The following IGLL5 variants were observed in gnomAD, a reference collection of about 807,000 sequenced individuals.
The protein encoded by IGLL5 is immunoglobulin lambda-like polypeptide 5.
In IGLL5, 30 loss-of-function variants were observed where a neutral mutation model predicts 20.9. That is an observed-to-expected ratio of 1.44 (90% confidence interval 1.07 to 1.95). IGLL5 has a LOEUF of 1.95. IGLL5 is among the 30% of genes most tolerant of loss of function. The pLI is 0.00. For missense variants in IGLL5, 475 were observed against 270.7 expected (o/e 1.75, Z -5.30); for synonymous variants, 203 against 117.3 (o/e 1.73, Z -4.72).
At chr22:22,889,072 T>C (rs549387114) in intron 1 of IGLL5, among the ~76,000 whole-genome samples, 12 of 151,300 alleles carry the variant, frequency 7.9e-5, no homozygotes, top group Admixed American at 3.3e-4. Context: ...TGGATGGATT[T>C]AGGTAGATTG....
intron 2 of IGLL5, among the ~76,000 whole-genome samples, chr22:22,894,860 C>G (rs1352047806): frequency 2.0e-5 from 3 of 151,382 alleles, no homozygotes; most frequent in South Asian, 2.1e-4. Context: ...TGGGGCAGAG[C>G]CCGGTGCCTG....
At chr22:22,888,818 C>T (rs550739734) in intron 1 of IGLL5, among the ~76,000 whole-genome samples, 1 of 151,424 alleles carries the variant, frequency 6.6e-6, no homozygotes, top group African/African-American at 2.4e-5. Flanking sequence ...GCTGTCCAGT[C>T]ATTGGAACAG....
In IGLL5 at chr22:22,888,980, G is replaced by A. The variant is rs533529274; in HGVS notation, c.206+721G>A. 5.3e-5 allele frequency among the ~76,000 whole-genome samples: 8 copies of A among 151,392 alleles called. No individual in the cohort carries two copies. In the East Asian group the frequency reaches 8.1e-4, roughly 15 times the overall value. Reference sequence around the variant, plus strand: ...AGAGGAGAGGAGAGCACAGGATGAGGCTGGGAGCTCCTGGGTGACTGGGAA... The same window carrying A: ...AGAGGAGAGGAGAGCACAGGATGAGACTGGGAGCTCCTGGGTGACTGGGAA... On this transcript the variant is annotated intron_variant, in intron 1 of 2. Transcript: ENST00000526893.
intron 1 of IGLL5, among the ~76,000 whole-genome samples, chr22:22,890,312 AACAC>A (rs372346670): frequency 0.016 from 2,035 of 123,682 alleles, 39 homozygotes; most frequent in African/African-American, 0.052. Context: ...TGTCCCTGAA[AACAC>A]ACACACACAC....
In IGLL5 at chr22:22,895,860, C is replaced by A; in HGVS notation, c.*166C>A. 1 of 738,372 alleles carries A rather than the reference C, an allele frequency of 1.4e-6. No homozygotes were observed. Among genetic ancestry groups the A allele is most frequent in the Non-Finnish European group, 2.3e-6 (1 of 436,254 alleles). The allele number at this position is 738,372 out of a possible 1,614,324, so 45.7% of individuals were successfully genotyped here. On this transcript the variant is annotated 3_prime_UTR_variant, in exon 3 of 3. Coordinates refer to ENST00000526893, the MANE Select transcript of IGLL5 (RefSeq NM_001178126.2). ...TCTTGTTTTATCTCATTTTTTTTCT[C>A]ACATAAATTGCTAGCCTCCCCGGGG...
In IGLL5 at chr22:22,888,441, T is replaced by C. The variant is rs535364999; in HGVS notation, c.206+182T>C. 5.9e-5 allele frequency among the ~76,000 whole-genome samples: 9 copies of C among 151,470 alleles called. 1 individual carries two copies. In the East Asian group the frequency reaches 6.1e-4, roughly 10 times the overall value. ...ATCACAGATTTGTTTGAATTACTGTTTTTAATATCATATTACGATATTATT... is the reference window on the plus strand; with the variant it reads ...ATCACAGATTTGTTTGAATTACTGTCTTTAATATCATATTACGATATTATT... On this transcript the variant is annotated intron_variant, in intron 1 of 2. Transcript: ENST00000526893.
chr22:22,894,171 G>C (rs2067992263), intron 2 of IGLL5, among the ~76,000 whole-genome samples: 2 of 151,526 alleles, frequency 1.3e-5, no homozygotes, highest in African/African-American at 4.8e-5. Context: ...TGGGGTCAAG[G>C]ACAGAGGCTG....
intron 1 of IGLL5, among the ~76,000 whole-genome samples, chr22:22,890,502 A>T (rs2146007929): frequency 6.9e-6 from 1 of 144,434 alleles, no homozygotes; most frequent in South Asian, 2.2e-4. Flanking sequence ...GATGAGCCAG[A>T]ATTTATTTCC....
intron 1 of IGLL5, among the ~76,000 whole-genome samples, chr22:22,888,782 A>C (rs764354391): frequency 2.0e-5 from 3 of 151,410 alleles, no homozygotes; most frequent in African/African-American, 7.3e-5. Flanking sequence ...TCAAGGACAC[A>C]GGGAGGGTGG....
At chr22:22,893,980 A>C (rs547724941) in intron 2 of IGLL5, among the ~76,000 whole-genome samples, 162 bp downstream of exon 2, 5 of 151,132 alleles carry the variant, frequency 3.3e-5, no homozygotes, top group South Asian at 2.1e-4. Context: ...TCTCCGGGTA[A>C]CCGGCAGGAA....
intron 1 of IGLL5, among the ~76,000 whole-genome samples, chr22:22,889,738 C>T (rs1183005939): frequency 6.6e-6 from 1 of 151,112 alleles, no homozygotes; most frequent in Non-Finnish European, 1.5e-5. Context: ...CAGATGCAGG[C>T]CACTACACCT....
intron 1 of IGLL5, among the ~76,000 whole-genome samples, chr22:22,889,063 G>C (rs561945236): frequency 6.6e-6 from 1 of 151,336 alleles, no homozygotes; most frequent in Admixed American, 6.6e-5. Context: ...ACGAGTCCTT[G>C]GATGGATTTA....
chr22:22,888,452 T>A lies in IGLL5; in HGVS notation c.206+193T>A, dbSNP rs113893001. Among the ~76,000 whole-genome samples, 18 of 151,314 alleles carry A rather than the reference T, an allele frequency of 1.2e-4. 1 individual carries two copies. The highest frequency in any genetic ancestry group is 1.0e-3 in the East Asian group (5 of 4,954). On this transcript the variant is annotated intron_variant, in intron 1 of 2. Transcript: ENST00000526893. ...GTTTGAATTACTGTTTTTAATATCA[T>A]ATTACGATATTATTTTTCTTGATTT... is the stretch of plus-strand genomic sequence containing the variant.
At chr22:22,888,637 C>T (rs149472028) in intron 1 of IGLL5, among the ~76,000 whole-genome samples, 10 of 151,246 alleles carry the variant, frequency 6.6e-5, no homozygotes, top group South Asian at 2.1e-4. Context: ...CCTCCCCCTC[C>T]TCCTCTCTGC....
chr22:22,893,223 G>A (rs1342139079), intron 1 of IGLL5, among the ~76,000 whole-genome samples: 4 of 151,178 alleles, frequency 2.6e-5, no homozygotes, highest in Non-Finnish European at 5.9e-5. Flanking sequence ...TGGGTAGACA[G>A]AATGATCTCA....
At position 22,893,772 on chromosome 22, in the gene IGLL5, G is replaced by C; in HGVS notation, c.279G>C (p.Gln93His). The C allele has an allele frequency of 6.2e-7, 1 of 1,605,596 alleles. No homozygotes were observed. Among genetic ancestry groups the C allele is most frequent in the African/African-American group, 1.4e-5 (1 of 74,066 alleles). The stretch of plus-strand genomic sequence containing the variant: ...CCCGGGGGTTTTGGTCTGAGCCTCA[G>C]TCACTGTGTTATGTCTTCGGAACTG... ...CWPRGFWSEP[Q>H]SLCYVFGTGT... Residue 93 changes from glutamine to histidine, a missense_variant, in exon 2 of 3, where the codon CAG (glutamine) becomes CAC (histidine). Transcript: ENST00000526893.
At chr22:22,888,677 G>A (rs2067630917) in intron 1 of IGLL5, among the ~76,000 whole-genome samples, 1 of 151,206 alleles carries the variant, frequency 6.6e-6, no homozygotes, top group South Asian at 2.1e-4. Context: ...TGAGGGCAGG[G>A]GCCACTCCCT....
chr22:22,893,629 G>A lies in IGLL5; in HGVS notation c.207-71G>A, dbSNP rs1360259414. 4.4e-6 allele frequency: 4 copies of A among 915,256 alleles called. No individual in the cohort carries two copies. The Admixed American group carries it at 8.6e-5, about 20-fold the overall frequency. The allele number at this position is 915,256 out of a possible 1,614,324, so 56.7% of individuals were successfully genotyped here. A position where few individuals can be genotyped will look rare whatever the true frequency, so the allele number is the denominator to read the frequency against. ...GGCACAGGGACACCTCTAGGGGGCT[G>A]GCCACCCCCCTGCCTCATGTCTAGG... On this transcript the variant is annotated intron_variant, in intron 1 of 2. Transcript: ENST00000526893.
At position 22,890,312 on chromosome 22, in the gene IGLL5, AACACACACAC is replaced by A. The variant is rs372346670; in HGVS notation, c.206+2077_206+2086del. On this transcript the variant is annotated intron_variant, in intron 1 of 2. Coordinates refer to ENST00000526893, the MANE Select transcript of IGLL5 (RefSeq NM_001178126.2). ...TCCTGTGTGTGTGTGTGTCCCTGAA[AACACACACAC>A]ACACACACACACACACACACACAGT... 3.8e-3 allele frequency among the ~76,000 whole-genome samples: 472 copies of A among 123,768 alleles called. 2 individuals carry two copies. The highest frequency in any genetic ancestry group is 0.038 in the South Asian group (130 of 3,448). The allele number at this position is 123,768 out of a possible 152,430, so 81.2% of individuals were successfully genotyped here. A position where few individuals can be genotyped will look rare whatever the true frequency, so the allele number is the denominator to read the frequency against.
Sources: allele counts gnomAD v4.1 joint callset (sites outside exome capture counted in the v4.1 genomes callset), GRCh38; gene constraint gnomAD v4.1.1; transcripts MANE v1.5; gene names NCBI Gene and HGNC (gene_info 2026-07-23, HGNC 2026-07-21).